OSBPL9: variants seen among roughly 807,000 people sequenced by gnomAD.
OSBPL9 encodes the protein oxysterol binding protein like 9.
In OSBPL9, 40 loss-of-function variants were observed where a neutral mutation model predicts 106.6. That is an observed-to-expected ratio of 0.38 (90% CI 0.29 to 0.49). The LOEUF is 0.49. Ranked by LOEUF, OSBPL9 falls within the 20% of genes least tolerant of loss-of-function variation. OSBPL9 has a pLI of 0.97. For synonymous variants in OSBPL9, 269 were observed against 295.4 expected (o/e 0.91, Z 0.92); for missense variants, 609 against 887.2 (o/e 0.69, Z 3.98).
At chr1:51,732,564 T>C (rs1664700231) in intron 4 of OSBPL9, among the ~76,000 whole-genome samples, 1 of 152,228 alleles carries the variant, frequency 6.6e-6, no homozygotes, top group African/African-American at 2.4e-5. Flanking sequence ...ACTTTCCATC[T>C]TCCTTATTTT....
At chr1:51,525,080 A>G in the OSBPL9 span, among the ~76,000 whole-genome samples, 1 of 152,232 alleles carries the variant, frequency 6.6e-6, no homozygotes, top group African/African-American at 2.4e-5. Context: ...ATGAGTGTCA[A>G]CAGAAGACTT....
At chr1:51,687,813 G>A (rs1305737439) in intron 3 of OSBPL9, among the ~76,000 whole-genome samples, 4 of 152,216 alleles carry the variant, frequency 2.6e-5, no homozygotes, top group African/African-American at 7.2e-5. Context: ...TGTAAATTAG[G>A]AAAGGGCAAT....
At chr1:51,552,857 T>C in the OSBPL9 span, among the ~76,000 whole-genome samples, 1 of 151,900 alleles carries the variant, frequency 6.6e-6, no homozygotes, top group Non-Finnish European at 1.5e-5. Flanking sequence ...ACTCCTGACC[T>C]AGTGATCCAC....
rs570230386 is a variant in OSBPL9 at position 51,732,844 on chromosome 1, CCTT to C, written c.319-12687_319-12685del. Reference sequence around the variant, plus strand: ...CAGCTGCCCAGCATGTCCTGGAGGCCCTTCTTCATATTCTGGTCCTGATTTATC... The same window carrying C: ...CAGCTGCCCAGCATGTCCTGGAGGCCCTTCATATTCTGGTCCTGATTTATC... On this transcript the variant is annotated intron_variant, in intron 4 of 23. Coordinates refer to ENST00000428468, the MANE Select transcript of OSBPL9 (RefSeq NM_024586.6). Among the ~76,000 whole-genome samples, 971 of 152,198 alleles carry C rather than the reference CCTT, an allele frequency of 6.4e-3. 7 individuals carry two copies. The highest frequency in any genetic ancestry group is 0.011 in the Non-Finnish European group (758 of 68,006).
At chr1:51,604,812 C>A (rs563612307) in intron 2 of OSBPL9, among the ~76,000 whole-genome samples, 1 of 152,128 alleles carries the variant, frequency 6.6e-6, no homozygotes, top group South Asian at 2.1e-4. Context: ...TGCCACCACA[C>A]CTGGCTGATT....
intron 3 of OSBPL9, among the ~76,000 whole-genome samples, chr1:51,688,129 A>C (rs1241083681): frequency 6.6e-6 from 1 of 152,174 alleles, no homozygotes; most frequent in Admixed American, 6.5e-5. Flanking sequence ...TGAGGAATTT[A>C]CATTTTCAAC....
chr1:51,617,456 G>A (rs1644123871), intron 1 of OSBPL9, among the ~76,000 whole-genome samples: 1 of 152,170 alleles, frequency 6.6e-6, no homozygotes, highest in African/African-American at 2.4e-5. Flanking sequence ...TTGGGGGTGA[G>A]CCAAGTTTCT....
chr1:51,530,187 A>AC, the OSBPL9 span, among the ~76,000 whole-genome samples: 19 of 101,564 alleles, frequency 1.9e-4, 1 homozygote, highest in Non-Finnish European at 2.6e-4. Flanking sequence ...AAAAAAAAAA[A>AC]AAAAACAAAA....
At chr1:51,566,852 T>G in the OSBPL9 span, among the ~76,000 whole-genome samples, 1 of 152,196 alleles carries the variant, frequency 6.6e-6, no homozygotes, top group African/African-American at 2.4e-5. Flanking sequence ...GATTTGTCTG[T>G]TGTGTCTGCA....
At position 51,685,108 on chromosome 1, in the gene OSBPL9, C is replaced by G. The variant is rs77712478; in HGVS notation, c.241+15596C>G. Among the ~76,000 whole-genome samples, 870 of 152,160 alleles carry G rather than the reference C, an allele frequency of 5.7e-3. 2 individuals carry two copies. The highest frequency in any genetic ancestry group is 0.02 in the African/African-American group (825 of 41,528). Reference sequence around the variant, plus strand: ...ATTTATTCCCTTCTTTTCATACATTCATTTTTTTCTAAAGAAATATTTGAG... The same window carrying G: ...ATTTATTCCCTTCTTTTCATACATTGATTTTTTTCTAAAGAAATATTTGAG... On this transcript the variant is annotated intron_variant, in intron 3 of 23. Transcript: ENST00000428468.
Position 51,602,018 on chromosome 1 carries a change from C to CTTTTTTTTTTTTTTTTTTTTTTTTT in OSBPL9, c.-353+3845_-353+3846insTTTTTTTTTTTTTTTTTTTTTTTTT, listed in dbSNP as rs758760414. 7.9e-5 allele frequency among the ~76,000 whole-genome samples: 6 copies of CTTTTTTTTTTTTTTTTTTTTTTTTT among 76,406 alleles called. 2 individuals are homozygous for CTTTTTTTTTTTTTTTTTTTTTTTTT. The highest frequency in any genetic ancestry group is 6.8e-5 in the Non-Finnish European group (3 of 44,194). The allele number at this position is 76,406 out of a possible 152,430, so 50.1% of individuals were successfully genotyped here. On this transcript the variant is annotated intron_variant, in intron 2 of 25. Coordinates refer to the OSBPL9 transcript ENST00000371714. Reference sequence around the variant, plus strand: ...AGTCAATTGTTCCATTCTTGGGGTTCTTTTTTTTTTTTTTTTTTTTGAGAC... The same window carrying CTTTTTTTTTTTTTTTTTTTTTTTTT: ...AGTCAATTGTTCCATTCTTGGGGTTCTTTTTTTTTTTTTTTTTTTTTTTTTTTTTTTTTTTTTTTTTTTTTGAGAC...
At chr1:51,653,189 A>G (rs951011660) in intron 2 of OSBPL9, among the ~76,000 whole-genome samples, 10 of 150,368 alleles carry the variant, frequency 6.7e-5, no homozygotes, top group African/African-American at 2.5e-4. Context: ...TTCAACTTCT[A>G]GTTTTTGTTT....
intron 4 of OSBPL9, among the ~76,000 whole-genome samples, chr1:51,717,221 C>G (rs1246162477): frequency 1.3e-5 from 2 of 152,162 alleles, no homozygotes; most frequent in African/African-American, 4.8e-5. Context: ...CCCACTTTGG[C>G]CTCTGAGAGT....
At chr1:51,764,816 C>T (rs1672238004) in intron 11 of OSBPL9, among the ~76,000 whole-genome samples, 1 of 152,144 alleles carries the variant, frequency 6.6e-6, no homozygotes, top group Admixed American at 6.6e-5. Context: ...AACTCCTGGC[C>T]TCAAGCAGTC....
At chr1:51,782,895 G>A (rs769153481) in intron 17 of OSBPL9, among the ~76,000 whole-genome samples, 6 of 152,258 alleles carry the variant, frequency 3.9e-5, no homozygotes, top group South Asian at 2.1e-4. Context: ...TGCTTCCAGA[G>A]TCATCTTATA....
upstream of OSBPL9, among the ~76,000 whole-genome samples, chr1:51,613,018 A>G (rs1643999370): frequency 6.6e-6 from 1 of 152,200 alleles, no homozygotes; most frequent in Non-Finnish European, 1.5e-5. Context: ...GAGGGGAATA[A>G]AGGAAACAAC....
rs138136141 is a variant in OSBPL9 at position 51,696,442 on chromosome 1, A to AAT, written c.242-17559_242-17558dup. Reference sequence around the variant, plus strand: ...ACAACAAAAAGCCCTAAAGACAATAAATAAGATAGAACACAGTTTCCCACA... The same window carrying AAT: ...ACAACAAAAAGCCCTAAAGACAATAAATATAAGATAGAACACAGTTTCCCACA... On this transcript the variant is annotated intron_variant, in intron 3 of 23. Transcript: ENST00000428468. 6.4e-3 allele frequency among the ~76,000 whole-genome samples: 970 copies of AAT among 152,326 alleles called. 7 individuals carry two copies. The highest frequency in any genetic ancestry group is 0.011 in the Non-Finnish European group (757 of 68,028).
At chr1:51,547,396 G>T in the OSBPL9 span, among the ~76,000 whole-genome samples, 29 of 152,010 alleles carry the variant, frequency 1.9e-4, no homozygotes, top group Non-Finnish European at 2.5e-4. Context: ...GAAAAAATGC[G>T]ATTAAAACAT....
the OSBPL9 span, among the ~76,000 whole-genome samples, chr1:51,545,056 C>A: frequency 6.6e-6 from 1 of 152,014 alleles, no homozygotes; most frequent in East Asian, 1.9e-4. Context: ...GTTGGCCAGG[C>A]TTGTCTCAAA....
Sources: allele counts gnomAD v4.1 joint callset (sites outside exome capture counted in the v4.1 genomes callset), GRCh38; gene constraint gnomAD v4.1.1; transcripts MANE v1.5; gene names NCBI Gene and HGNC (gene_info 2026-07-23, HGNC 2026-07-21).